Variants in ACACA observed in about 807,000 individuals in gnomAD.
ACACA encodes the protein acetyl-CoA carboxylase alpha.
A neutral mutation model predicts 296.1 loss-of-function variants in ACACA; 103 were observed. That is an observed-to-expected ratio of 0.35 (90% CI 0.30 to 0.41). The LOEUF (loss-of-function observed/expected upper bound fraction) is 0.41. Ranked by LOEUF, ACACA falls within the 10% of genes least tolerant of loss-of-function variation. The probability of loss-of-function intolerance (pLI) is 1.00; values close to 1 mark genes in which losing one functional copy is unlikely to be tolerated. For missense variants in ACACA, 1,554 were observed against 2,989.7 expected (o/e 0.52, Z 11.20); for synonymous variants, 953 against 1,038.6 (o/e 0.92, Z 1.58).
At chr17:37,201,835 C>T (rs1285343457) in intron 33 of ACACA, among the ~76,000 whole-genome samples, 1 of 152,094 alleles carries the variant, frequency 6.6e-6, no homozygotes, top group African/African-American at 2.4e-5. Context: ...TTGTCTTCCC[C>T]TTATAAGGAA....
At chr17:37,280,684 G>A (rs991526696) in intron 5 of ACACA, among the ~76,000 whole-genome samples, 3 of 151,526 alleles carry the variant, frequency 2.0e-5, no homozygotes, top group Non-Finnish European at 4.4e-5. Flanking sequence ...TTGCATGACA[G>A]GTAGATGGGA....
chr17:37,279,412 A>G (rs2082406401), intron 5 of ACACA, among the ~76,000 whole-genome samples: 3 of 152,100 alleles, frequency 2.0e-5, no homozygotes, highest in Admixed American at 6.6e-5. Context: ...AGGTGGGCGG[A>G]TCACGAGGTC....
intron 43 of ACACA, among the ~76,000 whole-genome samples, chr17:37,153,329 T>C (rs570316998): frequency 1.3e-5 from 2 of 152,290 alleles, no homozygotes; most frequent in African/African-American, 4.8e-5. Context: ...CAGGGCACCA[T>C]GATGAACTCC....
intron 1 of ACACA, chr17:37,388,692 G>T: frequency 6.2e-7 from 1 of 1,612,508 alleles, no homozygotes; most frequent in Non-Finnish European, 8.5e-7. Flanking sequence ...ACCTAGAGAA[G>T]AGACAGAAAT....
chr17:37,263,748 C>T lies in ACACA; in HGVS notation c.1266G>A (p.Gln422=). The T allele has an allele frequency of 6.2e-7, 1 of 1,614,046 alleles. No individual in the cohort carries two copies. The highest frequency in any genetic ancestry group is 8.5e-7 in the Non-Finnish European group (1 of 1,179,992). ...TAGCAGGTGCTTCTTCAATAATCTTCTGATGCCTGCGTTGTACAGAGCAAT... is the reference window on the plus strand; with the variant it reads ...TAGCAGGTGCTTCTTCAATAATCTTTTGATGCCTGCGTTGTACAGAGCAAT... The part of the protein sequence containing the change: ...GRDCSVQRRH[Q]KIIEEAPATI... The change falls in exon 11 of 56, where the codon CAG becomes CAA. Residue 422 remains glutamine (Q), a synonymous_variant. Transcript: ENST00000616317.
In ACACA at chr17:37,388,772, T is replaced by C. The variant is rs763058503; in HGVS notation, c.38+17490A>G. Reference sequence around the variant, plus strand: ...AGTGGAGTTGCCATTATAGTATTTGTAATTTTTGAAGTCCCATGTCCTGTA... The same window carrying C: ...AGTGGAGTTGCCATTATAGTATTTGCAATTTTTGAAGTCCCATGTCCTGTA... On this transcript the variant is annotated intron_variant, in intron 1 of 55. Transcript: ENST00000616317. The C allele has an allele frequency of 1.5e-5, 25 of 1,613,254 alleles. No homozygotes were observed. The South Asian group carries it at 2.8e-4, about 18-fold the overall frequency.
intron 3 of ACACA, among the ~76,000 whole-genome samples, chr17:37,309,936 C>A (rs1050230303): frequency 2.0e-5 from 3 of 151,756 alleles, no homozygotes; most frequent in African/African-American, 7.3e-5. Flanking sequence ...ACCTATTGAC[C>A]CAGGTACTTG....
At chr17:37,226,301 G>C in intron 26 of ACACA, 38 bp downstream of exon 26, 1 of 1,487,932 alleles carries the variant, frequency 6.7e-7, no homozygotes, top group Non-Finnish European at 9.4e-7. Flanking sequence ...ATCTATGAAA[G>C]CCATCCCTCC....
intron 29 of ACACA, 166 bp downstream of exon 29, chr17:37,221,558 A>T: frequency 1.4e-6 from 1 of 708,286 alleles, no homozygotes; most frequent in South Asian, 1.5e-5. Context: ...TTCTCTTTAG[A>T]TCAAAGAAGT....
At chr17:37,371,970 C>T (rs778524785) in intron 1 of ACACA, among the ~76,000 whole-genome samples, 1 of 152,112 alleles carries the variant, frequency 6.6e-6, no homozygotes, top group Non-Finnish European at 1.5e-5. Flanking sequence ...ATGATCCCAG[C>T]ACTTTGAGAG....
intron 39 of ACACA, among the ~76,000 whole-genome samples, chr17:37,184,762 C>A (rs1054686225): frequency 3.6e-4 from 54 of 150,756 alleles, no homozygotes; most frequent in African/African-American, 1.2e-3. Flanking sequence ...GGTGGAAGGA[C>A]TGCTTGAGCC....
At chr17:37,209,477 G>A (rs1483248116) in intron 30 of ACACA, among the ~76,000 whole-genome samples, 3 of 152,084 alleles carry the variant, frequency 2.0e-5, no homozygotes, top group African/African-American at 7.2e-5. Flanking sequence ...GGGAAATATC[G>A]ACTATTCAGT....
In ACACA at chr17:37,192,153, T is replaced by C; in HGVS notation, c.4353A>G (p.Thr1451=). Residue 1451 remains threonine (T), a synonymous_variant, in exon 37 of 56, where the codon ACA becomes ACG. Coordinates refer to ENST00000616317, the MANE Select transcript of ACACA (RefSeq NM_198834.3). The part of the protein sequence containing the change: ...YLGAAKVEVG[T]EVTDYRFFVR... ...CAAAGAACCTGTAGTCTGTCACTTC[T>C]GTGCCCACTTCCACCTTGGCTGCCC... The C allele has an allele frequency of 1.2e-6, 2 of 1,614,140 alleles. No individual in the cohort carries two copies. The highest frequency in any genetic ancestry group is 2.2e-5 in the South Asian group (2 of 91,072).
At chr17:37,390,334 A>ATATATATATATAT (rs2050822111) in intron 1 of ACACA, among the ~76,000 whole-genome samples, 8 of 93,390 alleles carry the variant, frequency 8.6e-5, no homozygotes, top group African/African-American at 2.3e-4. Context: ...ATATATATAT[A>ATATATATATATAT]AAAGGCCAGC....
intron 45 of ACACA, chr17:37,141,574 T>G (rs981150061): frequency 5.8e-6 from 1 of 172,282 alleles, no homozygotes; most frequent in Non-Finnish European, 1.2e-5. Flanking sequence ...ATTTTCTACT[T>G]TAAAATGGGA....
At chr17:37,297,703 A>G (rs1477410271) in intron 3 of ACACA, among the ~76,000 whole-genome samples, 2 of 151,768 alleles carry the variant, frequency 1.3e-5, no homozygotes, top group African/African-American at 4.8e-5. Flanking sequence ...GGTGCCTGCC[A>G]CCACGCCCAG....
intron 3 of ACACA, among the ~76,000 whole-genome samples, chr17:37,309,301 C>A (rs1029522643): frequency 6.6e-6 from 1 of 152,152 alleles, no homozygotes; most frequent in Non-Finnish European, 1.5e-5. Flanking sequence ...GCTGGGATTA[C>A]AGGCATGAGC....
chr17:37,290,209 G>C (rs908363359), intron 3 of ACACA, among the ~76,000 whole-genome samples: 1 of 152,056 alleles, frequency 6.6e-6, no homozygotes. Context: ...CACCACGCTC[G>C]ACTAATTTTT....
At chr17:37,389,269 G>C (rs970971760) in intron 1 of ACACA, 6 of 1,593,588 alleles carry the variant, frequency 3.8e-6, no homozygotes, top group Middle Eastern at 1.6e-4. Context: ...GAGCCAGGAA[G>C]CTGTGCCAAT....
Sources: gnomAD v4.1 joint callset for allele counts (sites outside exome capture counted in the v4.1 genomes callset) on GRCh38, gnomAD v4.1.1 for gene constraint, MANE v1.5 for transcripts, NCBI Gene and HGNC (gene_info 2026-07-23, HGNC 2026-07-21) for gene names.